HERC2: variants seen among roughly 807,000 people sequenced by gnomAD.
HERC2 encodes HECT and RLD domain containing E3 ubiquitin protein ligase 2.
HERC2 carries 102 observed loss-of-function variants against 537.7 expected under a neutral mutation model. The observed-to-expected ratio is 0.19, with a 90% CI of 0.16 to 0.22. The LOEUF (loss-of-function observed/expected upper bound fraction) is 0.22, where lower values mean the gene tolerates loss of function less well. Among genes scored for constraint, HERC2 ranks in the 10% least tolerant of loss-of-function variants. The pLI is 1.00. For synonymous variants in HERC2, 2,224 were observed against 2,466.2 expected, an observed-to-expected ratio of 0.90 and a Z score of 2.91; for missense variants, 4,236 against 6,198.2, an observed-to-expected ratio of 0.68 and a Z score of 10.63.
Position 28,262,899 on chromosome 15 carries a change from A to C in HERC2, c.2122+19T>G. The C allele has an allele frequency of 2.5e-6, 4 of 1,607,156 alleles. No homozygotes were observed. The highest frequency in any genetic ancestry group is 3.4e-6 in the Non-Finnish European group (4 of 1,175,898). ...AGAAACTGTCCTGAAGGGTTTTAAA[A>C]GTTTACATTTGCACTCACCTTGCAA... On this transcript the variant is annotated intron_variant, in intron 15 of 92. Transcript: ENST00000261609.
Position 28,125,010 on chromosome 15 carries a change from G to A in HERC2, c.12986C>T (p.Ala4329Val). The change falls in exon 84 of 93, where the codon GCA becomes GTA. Residue 4329 changes from alanine to valine, a missense_variant. Coordinates refer to ENST00000261609, the MANE Select transcript of HERC2 (RefSeq NM_004667.6). ...SKPASAGKLP[A>V]QVPMEYNHLQ... Reference sequence around the variant, plus strand: ...ACCCAACCTGCCCGGACTCACCTGTGCAGGGAGTTTGCCAGCACTGGCGGG... The same window carrying A: ...ACCCAACCTGCCCGGACTCACCTGTACAGGGAGTTTGCCAGCACTGGCGGG... 2 of 1,600,008 alleles carry A rather than the reference G, an allele frequency of 1.2e-6. No homozygotes were observed. Among genetic ancestry groups the A allele is most frequent in the Non-Finnish European group, 8.6e-7 (1 of 1,168,202 alleles).
In HERC2 at chr15:28,142,387, C is replaced by A; in HGVS notation, c.11551G>T (p.Val3851Leu). ...LLHSPFFKVLVALACDLELDT... is the reference protein window; with the variant it reads ...LLHSPFFKVLLALACDLELDT... ...AGCTCCAGGTCACAAGCAAGAGCTA[C>A]CAGTACCTGCAGGCACCAAAAATGA... Residue 3851 changes from valine (V) to leucine (L), a missense_variant, in exon 76 of 93, where the codon GTA becomes TTA. By Grantham distance (32) the Val-to-Leu change is conservative. Transcript: ENST00000261609. 1 of 1,612,890 alleles carries A rather than the reference C, an allele frequency of 6.2e-7. No individual in the cohort carries two copies. The highest frequency in any genetic ancestry group is 8.5e-7 in the Non-Finnish European group (1 of 1,179,422).
At chr15:28,144,365 A>T (rs1420490135) in intron 72 of HERC2, 130 bp from the exon 73 acceptor site, 1 of 888,100 alleles carries the variant, frequency 1.1e-6, no homozygotes, top group Admixed American at 2.7e-5. Flanking sequence ...GTGCCCACGC[A>T]TGCCACTGCG....
intron 69 of HERC2, among the ~76,000 whole-genome samples, chr15:28,161,209 C>T (rs749678924): frequency 2.6e-5 from 4 of 152,082 alleles, no homozygotes; most frequent in Non-Finnish European, 5.9e-5. Flanking sequence ...AGAGCTTTAA[C>T]GTTTCAGAAT....
At chr15:28,289,335 G>A (rs1317911204) in intron 4 of HERC2, among the ~76,000 whole-genome samples, 2 of 152,020 alleles carry the variant, frequency 1.3e-5, no homozygotes, top group African/African-American at 4.8e-5. Context: ...AACAAAGAAT[G>A]TCACTGGAGA....
intron 3 of HERC2, among the ~76,000 whole-genome samples, chr15:28,298,841 T>G (rs1413892819): frequency 1.3e-5 from 2 of 151,656 alleles, no homozygotes; most frequent in Non-Finnish European, 2.9e-5. Context: ...AGACTAATGC[T>G]CTCCCAACTG....
intron 70 of HERC2, 51 bp downstream of exon 70, chr15:28,152,626 A>C: frequency 6.9e-7 from 1 of 1,453,118 alleles, no homozygotes; most frequent in East Asian, 2.6e-5. Context: ...GAATCACATC[A>C]TTCTGAAGGT....
chr15:28,156,208 C>G (rs1218332688), intron 69 of HERC2, among the ~76,000 whole-genome samples: 2 of 152,196 alleles, frequency 1.3e-5, no homozygotes, highest in African/African-American at 4.8e-5. Context: ...ATGCCTCCAG[C>G]TTTGTTCTTT....
Position 28,219,415 on chromosome 15 carries a change from G to A in HERC2, c.5846-744C>T, listed in dbSNP as rs140505159. ...CTGCAGGCAAGGGAGGCTGAGGGAG[G>A]AAGCAGCGACTGGTGTCAGGCAGCA... On this transcript the variant is annotated intron_variant, in intron 37 of 92. Coordinates refer to ENST00000261609, the MANE Select transcript of HERC2 (RefSeq NM_004667.6). Among the ~76,000 whole-genome samples the A allele has an allele frequency of 1.3e-3, 191 of 152,380 alleles. 7 individuals carry two copies. In the East Asian group the frequency reaches 0.027, roughly 21 times the overall value.
intron 2 of HERC2, among the ~76,000 whole-genome samples, chr15:28,313,390 T>C (rs1275609297): frequency 1.3e-5 from 2 of 152,128 alleles, no homozygotes; most frequent in Non-Finnish European, 2.9e-5. Flanking sequence ...CGTGTTAGCC[T>C]GGATGGTCTC....
In HERC2 at chr15:28,220,587, T is replaced by C. The variant is rs186663694; in HGVS notation, c.5710A>G (p.Ile1904Val). Residue 1904 changes from isoleucine (I) to valine (V), a missense_variant, in exon 37 of 93, where the codon ATA (isoleucine) becomes GTA (valine). By Grantham distance (29) the Ile-to-Val change is conservative. This residue lies in a region of HERC2 where 365 missense variants were observed against 468.8 expected (regional missense o/e 0.78). Coordinates refer to ENST00000261609, the MANE Select transcript of HERC2 (RefSeq NM_004667.6). ...CTGCCTGTGTCCCACTGGACTCTTA[T>C]CCATCCGTCCTCTCCCAGCTCACCA... Reference protein sequence around the residue: ...VIGELGEDGWIRVQWDTGSTN... With the variant: ...VIGELGEDGWVRVQWDTGSTN... 105 of 1,602,918 alleles carry C rather than the reference T, an allele frequency of 6.6e-5. No individual in the cohort carries two copies. The African/African-American group carries it at 1.3e-3, about 20-fold the overall frequency.
At chr15:28,269,688 C>T (rs1424549033) in intron 10 of HERC2, among the ~76,000 whole-genome samples, 3 of 152,210 alleles carry the variant, frequency 2.0e-5, no homozygotes, top group Non-Finnish European at 4.4e-5. Flanking sequence ...CTATAAATGG[C>T]CCTTAAATAC....
chr15:28,155,200 A>G (rs1892872431), intron 69 of HERC2, among the ~76,000 whole-genome samples: 1 of 151,976 alleles, frequency 6.6e-6, no homozygotes, highest in Non-Finnish European at 1.5e-5. Context: ...AGTCTTTGCT[A>G]TTGTGAATAG....
At chr15:28,123,178 T>C (rs1339383455) in intron 85 of HERC2, among the ~76,000 whole-genome samples, 1 of 152,162 alleles carries the variant, frequency 6.6e-6, no homozygotes, top group Non-Finnish European at 1.5e-5. Flanking sequence ...AATGTACCAG[T>C]CCTGTTCAGC....
At chr15:28,209,353 A>T (rs533505779) in intron 44 of HERC2, among the ~76,000 whole-genome samples, 5 of 150,796 alleles carry the variant, frequency 3.3e-5, no homozygotes, top group Admixed American at 2.6e-4. Context: ...TTATTTATTT[A>T]TTTTTTTTGA....
intron 2 of HERC2, among the ~76,000 whole-genome samples, chr15:28,304,561 T>C (rs1030997533): frequency 3.3e-5 from 5 of 152,104 alleles, no homozygotes; most frequent in African/African-American, 1.2e-4. Flanking sequence ...AGAGACAGGG[T>C]ATCACCGTGT....
At chr15:28,317,506 T>C (rs906721864) in intron 2 of HERC2, among the ~76,000 whole-genome samples, 7 of 152,248 alleles carry the variant, frequency 4.6e-5, no homozygotes, top group African/African-American at 1.7e-4. Flanking sequence ...TAGCTACTGA[T>C]ATACTCAACA....
intron 74 of HERC2, 131 bp downstream of exon 74, chr15:28,143,742 G>A (rs549964983): frequency 5.7e-5 from 68 of 1,186,346 alleles, no homozygotes; most frequent in African/African-American, 2.4e-4. Context: ...CACCGCGCCC[G>A]GTCCAAGGCC....
intron 2 of HERC2, among the ~76,000 whole-genome samples, chr15:28,314,903 A>ATCTGACATTCAAATTT (rs1161631417): frequency 6.6e-6 from 1 of 152,116 alleles, no homozygotes; most frequent in Non-Finnish European, 1.5e-5. Context: ...CATGAAAATT[A>ATCTGACATTCAAATTT]TCTGACATTC....
Sources: gnomAD v4.1 joint callset for allele counts (sites outside exome capture counted in the v4.1 genomes callset) on GRCh38, gnomAD v4.1.1 for gene constraint, gnomAD v4.1.1 regional missense constraint, MANE v1.5 for transcripts, NCBI Gene and HGNC (gene_info 2026-07-23, HGNC 2026-07-21) for gene names.